DHX35: variants seen among roughly 807,000 people sequenced by gnomAD.
DHX35 encodes probable ATP-dependent RNA helicase DHX35.
A neutral mutation model predicts 99.6 loss-of-function variants in DHX35; 84 were observed. The ratio of observed to expected loss-of-function variants is 0.84; its 90% confidence interval spans 0.71 to 1.01. The LOEUF (loss-of-function observed/expected upper bound fraction) is 1.01, where lower values mean the gene tolerates loss of function less well. Ranked by LOEUF, DHX35 falls within the 50% of genes least tolerant of loss-of-function variation. The pLI is 0.00. For synonymous variants in DHX35, 331 were observed against 316.2 expected, an observed-to-expected ratio of 1.05 and a Z score of -0.50; for missense variants, 852 against 888.5, an observed-to-expected ratio of 0.96 and a Z score of 0.52.
chr20:38,988,750 T>C (rs1042826381), intron 4 of DHX35, 63 bp from the exon 5 acceptor site: 1 of 1,597,494 alleles, frequency 6.3e-7, no homozygotes. Flanking sequence ...AGATTTTCCA[T>C]AGTATGTGCG....
intron 1 of DHX35, among the ~76,000 whole-genome samples, chr20:38,964,643 A>G (rs1435818142): frequency 6.6e-6 from 1 of 152,066 alleles, no homozygotes; most frequent in African/African-American, 2.4e-5. Flanking sequence ...GGTGGCCAGG[A>G]TGATCTCAAT....
At chr20:39,030,484 C>A in intron 19 of DHX35, 1 of 549,748 alleles carries the variant, frequency 1.8e-6, no homozygotes, top group Admixed American at 3.4e-5. Context: ...CCGCGTGTTG[C>A]TTTTCTCCTC....
intron 1 of DHX35, among the ~76,000 whole-genome samples, chr20:38,966,270 A>G (rs964080174): frequency 2.0e-5 from 3 of 152,384 alleles, no homozygotes; most frequent in Middle Eastern, 3.4e-3. Flanking sequence ...AGGCAGCCAC[A>G]GAGGGGTGTT....
intron 3 of DHX35, among the ~76,000 whole-genome samples, chr20:38,975,704 C>T (rs1221177803): frequency 1.3e-5 from 2 of 152,196 alleles, no homozygotes; most frequent in Non-Finnish European, 2.9e-5. Flanking sequence ...CTTGCTCATA[C>T]TGTGTGGTTA....
In DHX35 at chr20:39,010,309, A is replaced by C. The variant is rs2086681366; in HGVS notation, c.1252A>C (p.Thr418Pro). The stretch of plus-strand genomic sequence containing the variant: ...AGCCTTTGACAAGTTGCCTCAGTCT[A>C]CGGTTCCTGAGATGCAGCGTAGTAA... ...EEAFDKLPQS[T>P]VPEMQRSNLA... Residue 418 changes from threonine (T) to proline (P), a missense_variant, in exon 13 of 22, where the codon ACG becomes CCG. Thr to Pro is a conservative substitution (Grantham distance 38). Coordinates refer to ENST00000252011, the MANE Select transcript of DHX35 (RefSeq NM_021931.4). 1 of 1,613,992 alleles carries C rather than the reference A, an allele frequency of 6.2e-7. No individual in the cohort carries two copies.
chr20:39,014,441 A>G (rs1283582948), intron 13 of DHX35, among the ~76,000 whole-genome samples: 1 of 152,206 alleles, frequency 6.6e-6, no homozygotes, highest in Non-Finnish European at 1.5e-5. Flanking sequence ...TTATTTACCC[A>G]CCACGGGGCC....
intron 18 of DHX35, among the ~76,000 whole-genome samples, chr20:39,027,919 T>C (rs1392116514): frequency 6.6e-6 from 1 of 152,232 alleles, no homozygotes; most frequent in African/African-American, 2.4e-5. Context: ...GCTGTAGCAA[T>C]AGAAACACCA....
chr20:38,987,870 CCT>C (rs2086273938), intron 4 of DHX35, among the ~76,000 whole-genome samples: 1 of 152,074 alleles, frequency 6.6e-6, no homozygotes, highest in Admixed American at 6.6e-5. Context: ...CTGTATTTCC[CCT>C]CTCAGTGGCT....
At chr20:39,006,460 CA>C in intron 12 of DHX35, 104 bp downstream of exon 12, 1 of 1,247,050 alleles carries the variant, frequency 8.0e-7, no homozygotes, top group Non-Finnish European at 1.1e-6. Context: ...ACATAAAATA[CA>C]GGCCTTCCTC....
intron 9 of DHX35, 41 bp from the exon 10 acceptor site, chr20:39,002,731 A>AAT (rs780441161): frequency 4.3e-5 from 67 of 1,551,994 alleles, no homozygotes; most frequent in Non-Finnish European, 5.5e-5. Context: ...GTAATTAATG[A>AAT]GCATATTCTA....
intron 3 of DHX35, among the ~76,000 whole-genome samples, chr20:38,976,914 G>A (rs1224850347): frequency 2.0e-5 from 3 of 152,136 alleles, no homozygotes; most frequent in Non-Finnish European, 4.4e-5. Flanking sequence ...GTTCATCTGT[G>A]TTGGCGCAAA....
At chr20:38,969,686 G>A (rs916909782) in intron 2 of DHX35, among the ~76,000 whole-genome samples, 5 of 152,204 alleles carry the variant, frequency 3.3e-5, no homozygotes, top group South Asian at 2.1e-4. Context: ...TTTTGGTATG[G>A]TTACTACTTA....
In DHX35 at chr20:39,014,937, A is replaced by C. The variant is rs1188908709; in HGVS notation, c.1402+3A>C. The stretch of plus-strand genomic sequence containing the variant: ...GGAGTTACTGTATGCTCTGGGAGGT[A>C]TGCCAGTTTCTCTCATCATTCTCTC... On this transcript the variant is annotated splice_donor_region_variant and intron_variant, in intron 14 of 21. Coordinates refer to ENST00000252011, the MANE Select transcript of DHX35 (RefSeq NM_021931.4). 3.1e-6 allele frequency: 5 copies of C among 1,613,996 alleles called. No homozygotes were observed. The highest frequency in any genetic ancestry group is 4.2e-6 in the Non-Finnish European group (5 of 1,180,008).
chr20:38,988,111 C>T (rs968316343), intron 4 of DHX35, among the ~76,000 whole-genome samples: 2 of 152,136 alleles, frequency 1.3e-5, no homozygotes, highest in Admixed American at 6.6e-5. Flanking sequence ...ATTTCTTTTA[C>T]TTTCCTTTTT....
At chr20:38,979,811 A>T (rs899269068) in intron 3 of DHX35, among the ~76,000 whole-genome samples, 1 of 150,648 alleles carries the variant, frequency 6.6e-6, no homozygotes, top group Non-Finnish European at 1.5e-5. Context: ...TACAAACTAT[A>T]TGTAGAACCT....
At chr20:38,964,640 A>G (rs1369361123) in intron 1 of DHX35, among the ~76,000 whole-genome samples, 1 of 152,166 alleles carries the variant, frequency 6.6e-6, no homozygotes, top group Non-Finnish European at 1.5e-5. Context: ...CATGGTGGCC[A>G]GGATGATCTC....
chr20:38,994,672 G>A (rs918376810), intron 7 of DHX35, 149 bp from the exon 8 acceptor site: 60 of 251,128 alleles, frequency 2.4e-4, no homozygotes, highest in African/African-American at 1.6e-3. Flanking sequence ...TTTGTAGTCA[G>A]TCCTTTCATC....
At chr20:38,966,163 G>T (rs2085907545) in intron 1 of DHX35, among the ~76,000 whole-genome samples, 1 of 152,234 alleles carries the variant, frequency 6.6e-6, no homozygotes, top group Non-Finnish European at 1.5e-5. Context: ...TATCAGCCTT[G>T]TTAAGATAGG....
At chr20:39,030,583 T>G in intron 19 of DHX35, 121 bp from the exon 20 acceptor site, 1 of 834,608 alleles carries the variant, frequency 1.2e-6, no homozygotes. Flanking sequence ...ATGGAGATAA[T>G]TGTTTTGCTT....
Sources: gnomAD v4.1 joint callset for allele counts (sites outside exome capture counted in the v4.1 genomes callset) on GRCh38, gnomAD v4.1.1 for gene constraint, MANE v1.5 for transcripts, NCBI Gene and HGNC (gene_info 2026-07-23, HGNC 2026-07-21) for gene names.